USP7: variants seen among roughly 807,000 people sequenced by gnomAD.
The protein encoded by USP7 is ubiquitin C-terminal hydrolase 7.
Under a neutral mutation model 162.9 loss-of-function variants are expected in USP7, and 9 were observed. The ratio of observed to expected loss-of-function variants is 0.06; its 90% CI spans 0.03 to 0.10. The LOEUF is 0.10. USP7 is among the 10% of genes least tolerant of loss of function. The pLI, the probability that USP7 is intolerant of heterozygous loss-of-function variation, is 1.00. For missense variants in USP7, 715 were observed against 1,373.7 expected, an observed-to-expected ratio of 0.52 and a Z score of 7.58; for synonymous variants, 562 against 475.9, an observed-to-expected ratio of 1.18 and a Z score of -2.35.
intron 13 of USP7, 129 bp from the exon 14 acceptor site, chr16:8,905,460 G>A: frequency 4.4e-6 from 5 of 1,145,236 alleles, no homozygotes; most frequent in Non-Finnish European, 5.1e-6. Context: ...ATCCATGTGT[G>A]TTCTTATACA....
At chr16:8,939,987 A>G (rs1381459654) in intron 1 of USP7, among the ~76,000 whole-genome samples, 1 of 152,202 alleles carries the variant, frequency 6.6e-6, no homozygotes, top group African/African-American at 2.4e-5. Flanking sequence ...AATCCAAGCT[A>G]CTTGGGAGGC....
intron 2 of USP7, among the ~76,000 whole-genome samples, chr16:8,925,165 C>T (rs752572345): frequency 2.0e-5 from 3 of 152,158 alleles, no homozygotes; most frequent in African/African-American, 4.8e-5. Context: ...AATGGAGGTT[C>T]GCCGAGGCTG....
intron 11 of USP7, 147 bp from the exon 12 acceptor site, chr16:8,908,597 T>A: frequency 1.6e-6 from 1 of 622,546 alleles, no homozygotes; most frequent in South Asian, 2.0e-5. Flanking sequence ...TTAGGGCATC[T>A]TTGAAATGTT....
At chr16:8,956,495 T>C (rs1899806518) in intron 1 of USP7, 1 of 152,286 alleles carries the variant, frequency 6.6e-6, no homozygotes, top group African/African-American at 2.4e-5. Context: ...CCAGGCGCAG[T>C]GGCCCACGCC....
intron 12 of USP7, 86 bp from the exon 13 acceptor site, chr16:8,906,668 C>T: frequency 7.5e-7 from 1 of 1,338,064 alleles, no homozygotes; most frequent in Non-Finnish European, 1.0e-6. Context: ...ATTTAATGTA[C>T]TGGCTCATCT....
rs965957276 is a variant in USP7, at chr16:8,963,103, G to A, written c.79+104C>T. On this transcript the variant is annotated intron_variant, in intron 1 of 30. Transcript: ENST00000344836. ...CAGGCCGAGGCCCGGCGGCCGCCCG[G>A]GGCCTGGTTAAAGATGGCGAGCCCC... 1.5e-5 allele frequency: 16 copies of A among 1,085,898 alleles called. No homozygotes were observed. The African/African-American group carries it at 2.0e-4, about 14-fold the overall frequency. 67.3% of individuals were successfully genotyped at this position (1,085,898 alleles called of 1,614,324 possible). A position where few individuals can be genotyped will look rare whatever the true frequency, so the allele number is the denominator to read the frequency against.
intron 1 of USP7, among the ~76,000 whole-genome samples, chr16:8,944,823 C>T (rs1194538040): frequency 6.6e-6 from 1 of 152,122 alleles, no homozygotes; most frequent in Non-Finnish European, 1.5e-5. Context: ...AAGTTCCTGG[C>T]GGCTGGACAC....
intron 1 of USP7, among the ~76,000 whole-genome samples, chr16:8,955,081 C>T (rs1463203035): frequency 6.6e-6 from 1 of 152,238 alleles, no homozygotes; most frequent in Non-Finnish European, 1.5e-5. Flanking sequence ...CACCTATACC[C>T]ACTTTCTATG....
intron 1 of USP7, among the ~76,000 whole-genome samples, chr16:8,937,521 GAC>G (rs957143369): frequency 6.6e-6 from 1 of 152,128 alleles, no homozygotes; most frequent in Admixed American, 6.5e-5. Context: ...CAGCCTGGGT[GAC>G]AGAGTAAAAC....
intron 1 of USP7, among the ~76,000 whole-genome samples, chr16:8,952,359 T>A (rs1341063394): frequency 2.0e-5 from 3 of 152,258 alleles, no homozygotes; most frequent in Non-Finnish European, 4.4e-5. Context: ...CCACTTGCTC[T>A]GGGTGACCCA....
chr16:8,909,661 C>T (rs1191785558), intron 11 of USP7, among the ~76,000 whole-genome samples: 1 of 152,218 alleles, frequency 6.6e-6, no homozygotes, highest in African/African-American at 2.4e-5. Flanking sequence ...GAGCAAGTGG[C>T]TCATGCCTGT....
intron 1 of USP7, among the ~76,000 whole-genome samples, chr16:8,952,076 A>AC: frequency 6.6e-6 from 1 of 151,642 alleles, no homozygotes; most frequent in Admixed American, 6.6e-5. Flanking sequence ...AAAAAAGTAG[A>AC]CCCCCCCGTC....
At chr16:8,900,426 C>A in intron 21 of USP7, 104 bp downstream of exon 21, 8 of 802,432 alleles carry the variant, frequency 1.0e-5, no homozygotes, top group East Asian at 3.0e-5. Context: ...AAAACAAAAA[C>A]AAAAACGTGG....
At chr16:8,899,443 G>T in intron 22 of USP7, 161 bp downstream of exon 22, 1 of 970,054 alleles carries the variant, frequency 1.0e-6, no homozygotes, top group Non-Finnish European at 1.5e-6. Context: ...GATTATTCTA[G>T]CTCCCAAGGC....
chr16:8,908,393 T>A lies in USP7; in HGVS notation c.1219A>T (p.Met407Leu). The A allele has an allele frequency of 6.2e-7, 1 of 1,614,052 alleles. No homozygotes were observed. The highest frequency in any genetic ancestry group is 8.5e-7 in the Non-Finnish European group (1 of 1,180,000). The change falls in exon 12 of 31, where the codon ATG becomes TTG. Residue 407 changes from methionine to leucine, a missense_variant. Met to Leu is a conservative substitution (Grantham distance 15, BLOSUM62 2). Transcript: ENST00000344836. Reference protein sequence around the residue: ...TLPPVLHLQLMRFMYDPQTDQ... With the variant: ...TLPPVLHLQLLRFMYDPQTDQ... The stretch of plus-strand genomic sequence containing the variant: ...GTCTGAGGGTCATACATAAATCTCA[T>A]CAGTTGTAGATGTAACACTGGTGGC...
chr16:8,958,442 G>A (rs533141361), intron 1 of USP7, among the ~76,000 whole-genome samples: 26 of 152,360 alleles, frequency 1.7e-4, no homozygotes, highest in African/African-American at 6.0e-4. Flanking sequence ...GCAAGGCAGT[G>A]ACGGACAGAA....
chr16:8,908,238 C>T, intron 12 of USP7, 103 bp downstream of exon 12: 2 of 921,444 alleles, frequency 2.2e-6, no homozygotes, highest in Non-Finnish European at 1.7e-6. Flanking sequence ...CTAAATAAAT[C>T]AGATGTGGGA....
intron 2 of USP7, among the ~76,000 whole-genome samples, chr16:8,926,515 A>T (rs1596386104): frequency 6.6e-6 from 1 of 152,194 alleles, no homozygotes; most frequent in Non-Finnish European, 1.5e-5. Context: ...GCCAAAAAAA[A>T]GGAGAAGTGG....
intron 2 of USP7, 68 bp downstream of exon 2, chr16:8,930,225 G>T: frequency 1.6e-6 from 2 of 1,251,624 alleles, no homozygotes; most frequent in Non-Finnish European, 2.3e-6. Context: ...GAAGTACCAA[G>T]CATGGATCTG....
Sources: allele counts gnomAD v4.1 joint callset (sites outside exome capture counted in the v4.1 genomes callset), GRCh38; gene constraint gnomAD v4.1.1; transcripts MANE v1.5; gene names NCBI Gene and HGNC (gene_info 2026-07-23, HGNC 2026-07-21).